ELFN1: variants seen among roughly 807,000 people sequenced by gnomAD.
ELFN1 encodes the protein protein ELFN1.
A neutral mutation model predicts 7.6 loss-of-function variants in ELFN1; 6 were observed. The observed-to-expected ratio is 0.79, with a 90% CI of 0.43 to 1.56. The LOEUF is 1.56. ELFN1 is among the 40% of genes most tolerant of loss of function. ELFN1 has a pLI of 0.01. For missense variants in ELFN1, 1,169 were observed against 1,232.2 expected, an observed-to-expected ratio of 0.95 and a Z score of 0.77; for synonymous variants, 657 against 588.1, an observed-to-expected ratio of 1.12 and a Z score of -1.70.
intron 1 of ELFN1, among the ~76,000 whole-genome samples, chr7:1,686,217 T>C (rs1562359120): frequency 6.6e-6 from 1 of 151,878 alleles, no homozygotes; most frequent in African/African-American, 2.4e-5. Flanking sequence ...GTTGTTGTTG[T>C]TGTTTGTGTA....
chr7:1,694,911 A>C (rs1373719012), intron 2 of ELFN1, among the ~76,000 whole-genome samples: 1 of 152,224 alleles, frequency 6.6e-6, no homozygotes, highest in Non-Finnish European at 1.5e-5. Flanking sequence ...TCTGTTCCAC[A>C]GAAGTGGGGG....
At chr7:1,675,127 A>G (rs969052164) in intron 1 of ELFN1, among the ~76,000 whole-genome samples, 6 of 152,164 alleles carry the variant, frequency 3.9e-5, no homozygotes, top group Non-Finnish European at 8.8e-5. Context: ...TTGTCTGGGA[A>G]GCCACATTCC....
chr7:1,742,062 AC>A (rs1298426666), intron 3 of ELFN1: 1 of 152,236 alleles, frequency 6.6e-6, no homozygotes, highest in Non-Finnish European at 1.5e-5. Context: ...CCACAAACAC[AC>A]ATGCACACAC....
chr7:1,693,655 G>T, intron 2 of ELFN1: 1 of 471,240 alleles, frequency 2.1e-6, no homozygotes, highest in South Asian at 1.5e-5. Flanking sequence ...ACATGCAGGT[G>T]AGCACAGACA....
intron 1 of ELFN1, among the ~76,000 whole-genome samples, chr7:1,677,942 C>T (rs1282351169): frequency 6.6e-6 from 1 of 152,122 alleles, no homozygotes; most frequent in Non-Finnish European, 1.5e-5. Context: ...GAGGTGTTTG[C>T]TGTCTGACAG....
At chr7:1,666,210 G>A (rs1052913877), upstream of ELFN1, among the ~76,000 whole-genome samples, 1 of 151,970 alleles carries the variant, frequency 6.6e-6, no homozygotes, top group African/African-American at 2.4e-5. The surrounding 1 kb of genome is among the most constrained non-coding windows in gnomAD (Gnocchi z 7.9). Context: ...GTCCGGGGCC[G>A]GGGGACCCCT....
intron 2 of ELFN1, among the ~76,000 whole-genome samples, chr7:1,707,245 G>A (rs1391382409): frequency 6.6e-6 from 1 of 152,250 alleles, no homozygotes; most frequent in Non-Finnish European, 1.5e-5. Context: ...TGGCTTTGCT[G>A]GAAAGTCCGA....
In ELFN1 at chr7:1,739,770, G is replaced by A. The variant is rs764788095; in HGVS notation, c.-293-4534G>A. Among the ~76,000 whole-genome samples the A allele has an allele frequency of 6.6e-6, 1 of 152,212 alleles. No individual in the cohort carries two copies. Among genetic ancestry groups the A allele is most frequent in the Non-Finnish European group, 1.5e-5 (1 of 68,026 alleles). On this transcript the variant is annotated intron_variant, in intron 3 of 3. Coordinates refer to ENST00000424383, the MANE Select transcript of ELFN1 (RefSeq NM_001128636.4). This position sits in a 1 kb window ranked among gnomAD's most constrained non-coding sequence, Gnocchi z 4.6. ...CAAGACAAAAATGGGCCCTGGCAGG[G>A]CAGAGGTCACCGGTGGCCTTGGTGA...
chr7:1,689,507 T>C (rs1163760779), intron 2 of ELFN1, among the ~76,000 whole-genome samples: 4 of 152,206 alleles, frequency 2.6e-5, no homozygotes, highest in African/African-American at 9.6e-5. Context: ...CCTGTTCCCC[T>C]GGGATCTGCA....
At position 1,724,307 on chromosome 7, in the gene ELFN1, A is replaced by G. The variant is rs535226027; in HGVS notation, c.-294+15055A>G. The stretch of plus-strand genomic sequence containing the variant: ...TGGGCAGAACCAGATCACCTCCTCT[A>G]TTCTACCTAACAGATCTCTATTAAG... On this transcript the variant is annotated intron_variant, in intron 3 of 3. Transcript: ENST00000424383. Among the ~76,000 whole-genome samples, 11 of 152,192 alleles carry G rather than the reference A, an allele frequency of 7.2e-5. No homozygotes were observed. In the East Asian group the frequency reaches 2.1e-3, roughly 29 times the overall value.
intron 1 of ELFN1, among the ~76,000 whole-genome samples, chr7:1,680,887 G>T (rs1221995372): frequency 6.6e-6 from 1 of 151,662 alleles, no homozygotes; most frequent in Admixed American, 6.6e-5. Flanking sequence ...GATTACAGGC[G>T]CCCACCACCA....
Position 1,670,716 on chromosome 7 carries a change from G to C in ELFN1, c.-549+362G>C, listed in dbSNP as rs1267075050. On this transcript the variant is annotated intron_variant, in intron 1 of 3. Coordinates refer to ENST00000424383, the MANE Select transcript of ELFN1 (RefSeq NM_001128636.4). This position sits in a 1 kb window ranked among gnomAD's most constrained non-coding sequence, Gnocchi z 6.4. ...TCCGCACCCTGCCCGGCGCCCCCCA[G>C]ACGCGGCCCCCTGCCCTTCCCTTCC... Among the ~76,000 whole-genome samples the C allele has an allele frequency of 6.6e-6, 1 of 152,046 alleles. No individual in the cohort carries two copies. Among genetic ancestry groups the C allele is most frequent in the Admixed American group, 6.5e-5 (1 of 15,282 alleles).
In ELFN1 at chr7:1,746,596, C is replaced by T. The variant is rs1399156026; in HGVS notation, c.2000C>T (p.Ala667Val). Reference sequence around the variant, plus strand: ...GTGCACAAGGCCGCGGCCGCCGAGGCCAAGTACATCGAGAAGGGCTCCCCC... The same window carrying T: ...GTGCACAAGGCCGCGGCCGCCGAGGTCAAGTACATCGAGAAGGGCTCCCCC... ...VGVHKAAAAE[A>V]KYIEKGSPAA... The change falls in exon 4 of 4, where the codon GCC becomes GTC. Residue 667 changes from alanine to valine, a missense_variant. Ala to Val is a moderately conservative substitution (Grantham distance 64). Coordinates refer to ENST00000424383, the MANE Select transcript of ELFN1 (RefSeq NM_001128636.4). 2 of 1,347,844 alleles carry T rather than the reference C, an allele frequency of 1.5e-6. No homozygotes were observed. Among genetic ancestry groups the T allele is most frequent in the Non-Finnish European group, 1.9e-6 (2 of 1,053,992 alleles). The allele number at this position is 1,347,844 out of a possible 1,614,324, so 83.5% of individuals were successfully genotyped here.
chr7:1,733,835 G>A (rs1012159317), intron 3 of ELFN1, among the ~76,000 whole-genome samples: 3 of 152,094 alleles, frequency 2.0e-5, no homozygotes, highest in South Asian at 2.1e-4. Context: ...CAGCCCACAC[G>A]CCTGTGCACC....
chr7:1,716,397 C>T (rs546137734), intron 3 of ELFN1, among the ~76,000 whole-genome samples: 33 of 152,336 alleles, frequency 2.2e-4, no homozygotes, highest in Non-Finnish European at 3.8e-4. Context: ...ATGTGCCCGG[C>T]GAGCCATCTG....
At chr7:1,737,825 C>G (rs867410920) in intron 3 of ELFN1, among the ~76,000 whole-genome samples, 3 of 152,192 alleles carry the variant, frequency 2.0e-5, no homozygotes, top group African/African-American at 2.4e-5. Flanking sequence ...CAGAGCCGAG[C>G]ACATTTCCAG....
chr7:1,715,160 C>T (rs140927159), intron 3 of ELFN1, among the ~76,000 whole-genome samples: 9 of 152,208 alleles, frequency 5.9e-5, no homozygotes, highest in South Asian at 2.1e-4. Context: ...CTCTTGCCCA[C>T]GGCAGTCACT....
chr7:1,695,799 C>T lies in ELFN1; in HGVS notation c.-456+7649C>T, dbSNP rs958721048. ...CGTGCTGGTTTGGTTTCACTGACTC[C>T]CATTCATTTATTCACAAACATTTAC... is the stretch of plus-strand genomic sequence containing the variant. On this transcript the variant is annotated intron_variant, in intron 2 of 3. Coordinates refer to ENST00000424383, the MANE Select transcript of ELFN1 (RefSeq NM_001128636.4). The surrounding 1 kb of genome is among the most constrained non-coding windows in gnomAD (Gnocchi z 5.1). Among the ~76,000 whole-genome samples, 2 of 151,642 alleles carry T rather than the reference C, an allele frequency of 1.3e-5. No individual in the cohort carries two copies. Among genetic ancestry groups the T allele is most frequent in the Non-Finnish European group, 2.9e-5 (2 of 67,966 alleles).
chr7:1,682,733 T>A (rs963236922), intron 1 of ELFN1, among the ~76,000 whole-genome samples: 2 of 152,114 alleles, frequency 1.3e-5, no homozygotes. Context: ...TTTCTTGCCT[T>A]ATTGCACTAA....
Sources: allele counts gnomAD v4.1 joint callset (sites outside exome capture counted in the v4.1 genomes callset), GRCh38; gene constraint gnomAD v4.1.1; non-coding constraint Gnocchi (gnomAD v3.1); transcripts MANE v1.5; gene names NCBI Gene and HGNC (gene_info 2026-07-23, HGNC 2026-07-21).